Variants in SPAG9 observed in about 807,000 individuals in gnomAD.
SPAG9 encodes C-Jun-amino-terminal kinase-interacting protein 4.
A neutral mutation model predicts 166.5 loss-of-function variants in SPAG9; 35 were observed. That is an observed-to-expected ratio of 0.21 (90% confidence interval 0.16 to 0.28). The LOEUF is 0.28. Ranked by LOEUF, SPAG9 falls within the 10% of genes least tolerant of loss-of-function variation. The pLI is 1.00. For missense variants in SPAG9, 1,235 were observed against 1,603.3 expected (o/e 0.77, Z 3.92); for synonymous variants, 534 against 565.5 (o/e 0.94, Z 0.79).
At chr17:51,087,983 G>T (rs952861759) in intron 1 of SPAG9, among the ~76,000 whole-genome samples, 2 of 152,092 alleles carry the variant, frequency 1.3e-5, no homozygotes, top group Non-Finnish European at 2.9e-5. Flanking sequence ...GAGCTCAAGC[G>T]ATCCTCCTGC....
At position 51,047,424 on chromosome 17, in the gene SPAG9, G is replaced by T; in HGVS notation, c.541C>A (p.Gln181Lys). The part of the protein sequence containing the change: ...MEHLERTKLH[Q>K]LSGSDQLEST... ...TCTAGTTGATCACTCCCTGAGAGCTGATGAAGTTTTGTTCTTTCTAAATGT... is the reference window on the plus strand; with the variant it reads ...TCTAGTTGATCACTCCCTGAGAGCTTATGAAGTTTTGTTCTTTCTAAATGT... Residue 181 changes from glutamine to lysine, a missense_variant, in exon 4 of 30, where the codon CAG becomes AAG. Gln to Lys is a moderately conservative substitution (Grantham distance 53). This residue lies in a region of SPAG9 where 288 missense variants were observed against 323.7 expected (regional missense o/e 0.89). Coordinates refer to ENST00000262013, the MANE Select transcript of SPAG9 (RefSeq NM_001130528.3). 1 of 1,592,658 alleles carries T rather than the reference G, an allele frequency of 6.3e-7. No individual in the cohort carries two copies. Among genetic ancestry groups the T allele is most frequent in the Non-Finnish European group, 8.6e-7 (1 of 1,167,612 alleles).
At chr17:50,971,508 C>T (rs1471674872) in intron 28 of SPAG9, among the ~76,000 whole-genome samples, 1 of 138,516 alleles carries the variant, frequency 7.2e-6, no homozygotes, top group Non-Finnish European at 1.5e-5. Context: ...TGCTCTGTCG[C>T]CCAGGCTGGA....
intron 1 of SPAG9, among the ~76,000 whole-genome samples, chr17:51,080,323 C>G (rs2048124839): frequency 6.7e-6 from 1 of 150,284 alleles, no homozygotes; most frequent in African/African-American, 2.4e-5. Context: ...ATTTGGCTAC[C>G]AGGATGTTTT....
intron 9 of SPAG9, among the ~76,000 whole-genome samples, chr17:51,008,809 G>C (rs1225177830): frequency 6.6e-6 from 1 of 152,076 alleles, no homozygotes; most frequent in African/African-American, 2.4e-5. Context: ...ACTCCAAAAT[G>C]ATCTTCGGCA....
At chr17:51,021,409 T>A (rs780858351) in intron 6 of SPAG9, 44 bp from the exon 7 acceptor site, 1 of 1,463,558 alleles carries the variant, frequency 6.8e-7, no homozygotes, top group Non-Finnish European at 9.3e-7. Context: ...AATGACGAAT[T>A]TACTCTAAAC....
intron 1 of SPAG9, among the ~76,000 whole-genome samples, chr17:51,110,451 G>C (rs984996400): frequency 1.3e-5 from 2 of 151,942 alleles, no homozygotes; most frequent in African/African-American, 4.8e-5. Flanking sequence ...AGCACTTTGG[G>C]AGGCCGAGGC....
chr17:50,972,937 C>T (rs1973936625), intron 28 of SPAG9, among the ~76,000 whole-genome samples: 1 of 152,156 alleles, frequency 6.6e-6, no homozygotes, highest in South Asian at 2.1e-4. Context: ...TAGATTTATA[C>T]CCAACAAAAA....
At chr17:51,103,960 T>C (rs1598187951) in intron 1 of SPAG9, among the ~76,000 whole-genome samples, 1 of 152,160 alleles carries the variant, frequency 6.6e-6, no homozygotes, top group African/African-American at 2.4e-5. Flanking sequence ...GTGAGCGATA[T>C]TGGTGTCCTG....
At chr17:51,041,680 C>T in intron 4 of SPAG9, 29 bp from the exon 5 acceptor site, 1 of 1,608,190 alleles carries the variant, frequency 6.2e-7, no homozygotes, top group Non-Finnish European at 8.5e-7. Context: ...AAAAATTCGG[C>T]ATTCATTTAT....
intron 1 of SPAG9, chr17:51,084,106 G>A (rs991937571): frequency 4.6e-5 from 7 of 151,992 alleles, no homozygotes; most frequent in African/African-American, 1.7e-4. Flanking sequence ...AACATCTACT[G>A]ACTACTTACT....
Position 51,079,617 on chromosome 17 carries a change from G to A in SPAG9, c.391C>T (p.Leu131Phe). 1 of 1,613,854 alleles carries A rather than the reference G, an allele frequency of 6.2e-7. No homozygotes were observed. Among genetic ancestry groups the A allele is most frequent in the Non-Finnish European group, 8.5e-7 (1 of 1,179,848 alleles). Residue 131 changes from leucine to phenylalanine, a missense_variant, in exon 2 of 30, where the codon CTT becomes TTT. Transcript: ENST00000262013. ...VESLESQTRQ[L>F]ELKAKNYADQ... ...GCATAGTTTTTCGCTTTCAGCTCAA[G>A]TTGTCTTGTTTGAGATTCTAAAGAT...
rs2048010238 is a variant in SPAG9 at position 51,077,029 on chromosome 17, T to TCTATCTAGCTATCTAGCTATCTAGCTAG, written c.424+2527_424+2554dup. 1.8e-4 allele frequency among the ~76,000 whole-genome samples: 12 copies of TCTATCTAGCTATCTAGCTATCTAGCTAG among 65,274 alleles called. 1 individual carries two copies. The highest frequency in any genetic ancestry group is 7.0e-5 in the Non-Finnish European group (2 of 28,378). The allele number at this position is 65,274 out of a possible 152,430, so 42.8% of individuals were successfully genotyped here. A position where few individuals can be genotyped will look rare whatever the true frequency, so the allele number is the denominator to read the frequency against. ...AGCTAGCTAGCTAGCTATCTAGCTATCTATCTAGCTATCTAGCTATCTAGC... is the reference window on the plus strand; with the variant it reads ...AGCTAGCTAGCTAGCTATCTAGCTATCTATCTAGCTATCTAGCTATCTAGCTAGCTATCTAGCTATCTAGCTATCTAGC... On this transcript the variant is annotated intron_variant, in intron 2 of 29. Transcript: ENST00000262013.
intron 5 of SPAG9, among the ~76,000 whole-genome samples, chr17:51,033,619 C>T (rs1044473532): frequency 3.9e-5 from 6 of 152,128 alleles, no homozygotes; most frequent in Admixed American, 2.0e-4. Context: ...ACCTGGAATT[C>T]GTGGCTTCAA....
chr17:51,112,399 G>A (rs1402154660), intron 1 of SPAG9, among the ~76,000 whole-genome samples: 2 of 148,368 alleles, frequency 1.3e-5, no homozygotes, highest in Non-Finnish European at 1.5e-5. Context: ...AAGGCCAGGC[G>A]CAGTGGCTCA....
Position 50,974,801 on chromosome 17 carries a change from C to T in SPAG9, c.3670G>A (p.Asp1224Asn), listed in dbSNP as rs200827033. The change falls in exon 28 of 30, where the codon GAT becomes AAT. Residue 1224 changes from aspartate to asparagine, a missense_variant. Transcript: ENST00000262013. ...HAQLCFHGHRDAVKFFVAVPG... is the reference protein window; with the variant it reads ...HAQLCFHGHRNAVKFFVAVPG... ...ACTGCCACAAAGAATTTCACAGCATCCCGGTGCCCATGGAAGCAAAGCTGT... is the reference window on the plus strand; with the variant it reads ...ACTGCCACAAAGAATTTCACAGCATTCCGGTGCCCATGGAAGCAAAGCTGT... The T allele has an allele frequency of 1.2e-6, 2 of 1,604,282 alleles. No individual in the cohort carries two copies. The highest frequency in any genetic ancestry group is 2.3e-5 in the South Asian group (2 of 88,716).
chr17:51,020,405 A>C (rs2045895145), intron 7 of SPAG9, 147 bp from the exon 8 acceptor site: 2 of 589,730 alleles, frequency 3.4e-6, no homozygotes, highest in African/African-American at 3.7e-5. Flanking sequence ...ACAGCATTAT[A>C]CAATATATCA....
At chr17:51,011,678 C>T (rs1259642402) in intron 9 of SPAG9, among the ~76,000 whole-genome samples, 2 of 151,944 alleles carry the variant, frequency 1.3e-5, no homozygotes, top group Admixed American at 6.6e-5. Context: ...CCACCGTGCC[C>T]GGCCAGGAAC....
At chr17:51,104,584 C>T (rs933414116) in intron 1 of SPAG9, among the ~76,000 whole-genome samples, 3 of 151,914 alleles carry the variant, frequency 2.0e-5, no homozygotes, top group South Asian at 2.1e-4. Flanking sequence ...GATGGCGAGG[C>T]GAGTTCACAC....
At chr17:51,039,753 C>T (rs1219805142) in intron 5 of SPAG9, among the ~76,000 whole-genome samples, 2 of 152,106 alleles carry the variant, frequency 1.3e-5, no homozygotes, top group Admixed American at 6.5e-5. Context: ...TCTCTTAAGG[C>T]GCACTTTTGG....
Sources: gnomAD v4.1 joint callset for allele counts (sites outside exome capture counted in the v4.1 genomes callset) on GRCh38, gnomAD v4.1.1 for gene constraint, gnomAD v4.1.1 regional missense constraint, MANE v1.5 for transcripts, NCBI Gene and HGNC (gene_info 2026-07-23, HGNC 2026-07-21) for gene names.